The following SPOCK3 variants were observed in gnomAD, a reference collection of about 807,000 sequenced individuals.
SPOCK3 encodes the protein SPARC (osteonectin), cwcv and kazal like domains proteoglycan 3.
In SPOCK3, 30 loss-of-function variants were observed where a neutral mutation model predicts 56.6. That is an observed-to-expected ratio of 0.53 (90% CI 0.40 to 0.72). The LOEUF is 0.72. Among genes scored for constraint, SPOCK3 ranks in the 30% least tolerant of loss-of-function variants. The probability of loss-of-function intolerance (pLI) is 0.00; values close to 1 mark genes in which losing one functional copy is unlikely to be tolerated. For missense variants in SPOCK3, 527 were observed against 530.0 expected, an observed-to-expected ratio of 0.99 and a Z score of 0.06; for synonymous variants, 196 against 183.3, an observed-to-expected ratio of 1.07 and a Z score of -0.56.
At chr4:166,817,110 A>G (rs1034499212) in intron 6 of SPOCK3, among the ~76,000 whole-genome samples, 23 of 152,050 alleles carry the variant, frequency 1.5e-4, no homozygotes, top group African/African-American at 4.8e-4. Flanking sequence ...GTCAGAGGAT[A>G]ATCATTTTCT....
intron 2 of SPOCK3, among the ~76,000 whole-genome samples, chr4:167,220,354 T>C (rs895365563): frequency 6.7e-6 from 1 of 148,600 alleles, no homozygotes; most frequent in African/African-American, 2.5e-5. Context: ...AAACTTCTAA[T>C]CCAAACAACA....
chr4:167,019,703 G>A (rs1750987377), intron 3 of SPOCK3, among the ~76,000 whole-genome samples: 1 of 151,994 alleles, frequency 6.6e-6, no homozygotes, highest in Non-Finnish European at 1.5e-5. Flanking sequence ...AAATTAAAAT[G>A]TGTGTTAGGG....
At position 166,749,346 on chromosome 4, in the gene SPOCK3, A is replaced by T. The variant is rs1209529848; in HGVS notation, c.931+5162T>A. On this transcript the variant is annotated intron_variant, in intron 8 of 10. Transcript: ENST00000357545. Reference sequence around the variant, plus strand: ...GTTCATGTCCTTTGTAGGGACATGGATGAAGCTGGAAACTATCATTCTGAG... The same window carrying T: ...GTTCATGTCCTTTGTAGGGACATGGTTGAAGCTGGAAACTATCATTCTGAG... 6.8e-5 allele frequency among the ~76,000 whole-genome samples: 5 copies of T among 73,124 alleles called. 1 individual carries two copies. Among genetic ancestry groups the T allele is most frequent in the African/African-American group, 2.8e-4 (5 of 17,828 alleles). The allele number at this position is 73,124 out of a possible 152,430, so 48.0% of individuals were successfully genotyped here.
chr4:167,170,866 C>T (rs72699686), intron 2 of SPOCK3, among the ~76,000 whole-genome samples: 2,868 of 152,188 alleles, frequency 0.019, 43 homozygotes, highest in Non-Finnish European at 0.026. Flanking sequence ...AAAATTCAAA[C>T]TTCAGATTAT....
In SPOCK3 at chr4:167,099,523, A is replaced by G. The variant is rs1020793850; in HGVS notation, c.190-36986T>C. Among the ~76,000 whole-genome samples the G allele has an allele frequency of 2.6e-5, 4 of 152,196 alleles. No homozygotes were observed. In the South Asian group the frequency reaches 6.2e-4, roughly 24 times the overall value. The stretch of plus-strand genomic sequence containing the variant: ...AAGTTGGAGATAATGAAAAACAAGC[A>G]TATTTGACACACAAATTTCTGTAAA... On this transcript the variant is annotated intron_variant, in intron 2 of 10. Coordinates refer to ENST00000357545, the MANE Select transcript of SPOCK3 (RefSeq NM_001040159.2).
chr4:166,794,238 C>T (rs1206015125), intron 6 of SPOCK3, among the ~76,000 whole-genome samples: 1 of 121,484 alleles, frequency 8.2e-6, no homozygotes, highest in Non-Finnish European at 1.7e-5. Context: ...AAAAAAATAG[C>T]ACACTCTTGA....
chr4:167,072,255 C>A (rs1242953215), intron 2 of SPOCK3, among the ~76,000 whole-genome samples: 1 of 152,048 alleles, frequency 6.6e-6, no homozygotes, highest in Non-Finnish European at 1.5e-5. Context: ...TTCCAGCATA[C>A]CACAGGTCAG....
At chr4:167,133,154 T>A (rs1762833726) in intron 2 of SPOCK3, among the ~76,000 whole-genome samples, 1 of 152,094 alleles carries the variant, frequency 6.6e-6, no homozygotes, top group Non-Finnish European at 1.5e-5. Flanking sequence ...AAATTAAGGA[T>A]CTTGAGATAG....
intron 7 of SPOCK3, among the ~76,000 whole-genome samples, chr4:166,786,867 G>GT (rs33957751): frequency 0.094 from 14,240 of 152,062 alleles, 1,012 homozygotes; most frequent in East Asian, 0.39. Flanking sequence ...GAAAAATCAC[G>GT]TATCTAAGAC....
chr4:166,887,927 C>A (rs1734374927), intron 6 of SPOCK3, among the ~76,000 whole-genome samples: 1 of 150,914 alleles, frequency 6.6e-6, no homozygotes, highest in African/African-American at 2.4e-5. Flanking sequence ...CAACTGGTGT[C>A]ATTCTTCACA....
intron 4 of SPOCK3, among the ~76,000 whole-genome samples, chr4:166,973,902 C>T (rs1039293015): frequency 2.0e-5 from 3 of 152,080 alleles, no homozygotes; most frequent in Non-Finnish European, 4.4e-5. Context: ...TATATATACA[C>T]ATTTTTAAAA....
At chr4:166,775,530 C>T (rs1012053208) in intron 7 of SPOCK3, among the ~76,000 whole-genome samples, 1 of 152,088 alleles carries the variant, frequency 6.6e-6, no homozygotes, top group Non-Finnish European at 1.5e-5. Flanking sequence ...AGATTCTGGG[C>T]ATCAAAGCTA....
chr4:167,203,339 T>C (rs13434405), intron 2 of SPOCK3, among the ~76,000 whole-genome samples: 15,594 of 151,960 alleles, frequency 0.1, 922 homozygotes, highest in East Asian at 0.2. Context: ...ATCTTACCTA[T>C]ATACATATTT....
At chr4:167,195,633 C>T (rs1270056828) in intron 2 of SPOCK3, among the ~76,000 whole-genome samples, 1 of 152,142 alleles carries the variant, frequency 6.6e-6, no homozygotes, top group Non-Finnish European at 1.5e-5. Flanking sequence ...GTCAGCAGGC[C>T]TATTACCCAA....
At chr4:167,162,562 C>A (rs546367943) in intron 2 of SPOCK3, among the ~76,000 whole-genome samples, 9 of 152,166 alleles carry the variant, frequency 5.9e-5, no homozygotes, top group Non-Finnish European at 1.0e-4. Context: ...ATAGACAATG[C>A]CATCACCACA....
chr4:167,156,771 C>A (rs1764855327), intron 2 of SPOCK3, among the ~76,000 whole-genome samples: 1 of 152,040 alleles, frequency 6.6e-6, no homozygotes, highest in Non-Finnish European at 1.5e-5. Context: ...TGACAGCATC[C>A]AGAGCTTCCC....
At chr4:166,749,438 G>C (rs1736080985) in intron 8 of SPOCK3, among the ~76,000 whole-genome samples, 1 of 151,774 alleles carries the variant, frequency 6.6e-6, no homozygotes, top group African/African-American at 2.4e-5. Flanking sequence ...ATTGAACAAT[G>C]AGAACACTTG....
At chr4:166,845,340 A>C (rs1221680846) in intron 6 of SPOCK3, among the ~76,000 whole-genome samples, 4 of 152,198 alleles carry the variant, frequency 2.6e-5, no homozygotes, top group Non-Finnish European at 5.9e-5. Flanking sequence ...AAAAAGTGAC[A>C]CTGGGCATAT....
chr4:166,937,509 C>T (rs1236315191), intron 4 of SPOCK3, among the ~76,000 whole-genome samples: 1 of 148,118 alleles, frequency 6.8e-6, no homozygotes, highest in Non-Finnish European at 1.5e-5. Context: ...ACATACATTT[C>T]TAGAAGCATA....
Sources: gnomAD v4.1 joint callset for allele counts (sites outside exome capture counted in the v4.1 genomes callset) on GRCh38, gnomAD v4.1.1 for gene constraint, MANE v1.5 for transcripts, NCBI Gene and HGNC (gene_info 2026-07-23, HGNC 2026-07-21) for gene names.